The following TENM3 variants were observed in gnomAD, a reference collection of about 807,000 sequenced individuals.
The protein encoded by TENM3 is teneurin transmembrane protein 3.
A neutral mutation model predicts 255.1 loss-of-function variants in TENM3; 63 were observed. That is an observed-to-expected ratio of 0.25 (90% CI 0.20 to 0.30). The LOEUF is 0.30. Among genes scored for constraint, TENM3 ranks in the 10% least tolerant of loss-of-function variants. The pLI, the probability that TENM3 is intolerant of heterozygous loss-of-function variation, is 1.00. For synonymous variants in TENM3, 1,306 were observed against 1,322.3 expected (o/e 0.99, Z 0.27); for missense variants, 2,929 against 3,461.1 (o/e 0.85, Z 3.86).
At chr4:181,569,980 G>A in the TENM3 span, among the ~76,000 whole-genome samples, 22 of 151,166 alleles carry the variant, frequency 1.5e-4, no homozygotes, top group African/African-American at 5.1e-4. Flanking sequence ...GCAGGTAAAA[G>A]AGAGTTCAAG....
intron 22 of TENM3, among the ~76,000 whole-genome samples, chr4:182,766,380 G>GAA (rs1218448401): frequency 1.4e-5 from 2 of 146,148 alleles, no homozygotes; most frequent in African/African-American, 5.0e-5. Flanking sequence ...ATTTAAAAAA[G>GAA]AAAAAAAAAA....
At chr4:182,108,622 G>C in the TENM3 span, among the ~76,000 whole-genome samples, 4 of 152,278 alleles carry the variant, frequency 2.6e-5, no homozygotes, top group South Asian at 8.3e-4. Flanking sequence ...GGCTCATATG[G>C]AGAGGGGTGG....
intron 3 of TENM3, among the ~76,000 whole-genome samples, chr4:182,366,883 G>A (rs188136158): frequency 1.3e-5 from 2 of 152,208 alleles, no homozygotes; most frequent in Admixed American, 6.5e-5. Context: ...TAAAAATAAA[G>A]TGTTAATCCT....
chr4:181,450,182 C>T, the TENM3 span, among the ~76,000 whole-genome samples: 1 of 152,118 alleles, frequency 6.6e-6, no homozygotes, highest in Non-Finnish European at 1.5e-5. Context: ...AGGCGTATAC[C>T]TGAGTTTTGT....
At chr4:182,268,721 C>T (rs546690379) in intron 1 of TENM3, among the ~76,000 whole-genome samples, 2 of 152,258 alleles carry the variant, frequency 1.3e-5, no homozygotes, top group East Asian at 1.9e-4. Flanking sequence ...TTGCTGTGCT[C>T]CCACCAGCAC....
At chr4:182,427,600 G>T (rs528344565) in intron 3 of TENM3, among the ~76,000 whole-genome samples, 1 of 152,128 alleles carries the variant, frequency 6.6e-6, no homozygotes, top group East Asian at 1.9e-4. Flanking sequence ...TTTATCTATG[G>T]CTATAGAAAA....
the TENM3 span, among the ~76,000 whole-genome samples, chr4:181,857,265 G>A: frequency 6.7e-6 from 1 of 149,674 alleles, no homozygotes; most frequent in South Asian, 2.2e-4. Context: ...GCCAGGAAAA[G>A]ATCAAGGGCA....
At chr4:182,446,669 A>G (rs1163117637) in intron 3 of TENM3, among the ~76,000 whole-genome samples, 1 of 150,900 alleles carries the variant, frequency 6.6e-6, no homozygotes, top group African/African-American at 2.4e-5. Flanking sequence ...TATATTGCTC[A>G]GGTTGGTCTT....
At chr4:181,547,761 C>A in the TENM3 span, among the ~76,000 whole-genome samples, 1 of 151,934 alleles carries the variant, frequency 6.6e-6, no homozygotes, top group Non-Finnish European at 1.5e-5. Flanking sequence ...CCAAAGATAT[C>A]CCAACTTTTT....
intron 11 of TENM3, among the ~76,000 whole-genome samples, chr4:182,683,582 A>C (rs1579103954): frequency 6.6e-6 from 1 of 152,334 alleles, no homozygotes; most frequent in South Asian, 2.1e-4. Flanking sequence ...ATTATATTCA[A>C]GGGACAGTGA....
At chr4:182,507,123 A>G (rs1736908556) in intron 3 of TENM3, among the ~76,000 whole-genome samples, 1 of 149,122 alleles carries the variant, frequency 6.7e-6, no homozygotes, top group African/African-American at 2.5e-5. Context: ...CTCCATTCGT[A>G]TTAAGTTTTT....
intron 1 of TENM3, chr4:182,169,350 C>A (rs1240810346): frequency 2.1e-6 from 1 of 472,124 alleles, no homozygotes; most frequent in Admixed American, 2.4e-5. Flanking sequence ...TACTTTTCAA[C>A]TCTAATGGGA....
At chr4:181,875,683 C>T in the TENM3 span, among the ~76,000 whole-genome samples, 1 of 152,244 alleles carries the variant, frequency 6.6e-6, no homozygotes, top group African/African-American at 2.4e-5. Context: ...ATGGACTCTA[C>T]GTTCAGAGCC....
intron 3 of TENM3, among the ~76,000 whole-genome samples, chr4:182,464,931 C>T (rs1377698914): frequency 2.6e-5 from 4 of 152,088 alleles, no homozygotes; most frequent in East Asian, 1.9e-4. Flanking sequence ...GATCAGTATT[C>T]CCTTCCTGTG....
the TENM3 span, among the ~76,000 whole-genome samples, chr4:182,049,042 C>A: frequency 6.6e-6 from 1 of 152,062 alleles, no homozygotes; most frequent in Non-Finnish European, 1.5e-5. Context: ...ATCCTTCTGA[C>A]CCACATAGCA....
chr4:182,189,730 C>T (rs1246071509), intron 1 of TENM3, among the ~76,000 whole-genome samples: 1 of 151,942 alleles, frequency 6.6e-6, no homozygotes, highest in Non-Finnish European at 1.5e-5. Context: ...AATCAGTAGG[C>T]GTGTGGGTGT....
intron 1 of TENM3, among the ~76,000 whole-genome samples, chr4:182,210,203 C>T (rs1381219470): frequency 6.6e-6 from 1 of 152,168 alleles, no homozygotes; most frequent in East Asian, 1.9e-4. Context: ...TCAGCTCTGA[C>T]CTCTCCCCTT....
At position 182,793,785 on chromosome 4, in the gene TENM3, C is replaced by A. The variant is rs868606523; in HGVS notation, c.7113C>A (p.Ile2371=). ...GGTGGACAACACCTGACATAGAAAT[C>A]TGGAAAAGAATTGGGAAGGACCCAG... ...AGRWTTPDIE[I]WKRIGKDPAP... is the part of the protein sequence containing the mutation. Residue 2371 remains isoleucine (I), a synonymous_variant, in exon 26 of 28, where the codon ATC becomes ATA. Transcript: ENST00000511685. The surrounding 1 kb of genome is among the most constrained non-coding windows in gnomAD (Gnocchi z 5.7). 1.2e-6 allele frequency: 2 copies of A among 1,613,828 alleles called. No homozygotes were observed. Among genetic ancestry groups the A allele is most frequent in the African/African-American group, 2.7e-5 (2 of 74,918 alleles).
intron 5 of TENM3, among the ~76,000 whole-genome samples, chr4:182,630,019 A>G (rs1291564872): frequency 6.6e-6 from 1 of 152,210 alleles, no homozygotes; most frequent in Non-Finnish European, 1.5e-5. Flanking sequence ...GACATCATTA[A>G]TGATTCACAG....
Sources: allele counts gnomAD v4.1 joint callset (sites outside exome capture counted in the v4.1 genomes callset), GRCh38; gene constraint gnomAD v4.1.1; non-coding constraint Gnocchi (gnomAD v3.1); transcripts MANE v1.5; gene names NCBI Gene and HGNC (gene_info 2026-07-23, HGNC 2026-07-21).